Variants in FBXL7 observed in about 807,000 individuals in gnomAD.
FBXL7 encodes the protein F-box and leucine rich repeat protein 7, also known as F-box/LRR-repeat protein 7.
In FBXL7, 12 loss-of-function variants were observed where a neutral mutation model predicts 38.3. The ratio of observed to expected loss-of-function variants is 0.31; its 90% CI spans 0.20 to 0.51. The LOEUF (loss-of-function observed/expected upper bound fraction) is 0.51, where lower values mean the gene tolerates loss of function less well. FBXL7 is among the 20% of genes least tolerant of loss of function. The pLI, the probability that FBXL7 is intolerant of heterozygous loss-of-function variation, is 0.98. For missense variants in FBXL7, 567 were observed against 676.4 expected (o/e 0.84, Z 1.79); for synonymous variants, 297 against 300.9 (o/e 0.99, Z 0.13).
chr5:15,888,426 A>G (rs556981055), intron 2 of FBXL7, among the ~76,000 whole-genome samples: 235 of 152,016 alleles, frequency 1.5e-3, no homozygotes, highest in African/African-American at 5.3e-3. Flanking sequence ...ATGGGATTTC[A>G]CCGTGTTGGC....
At chr5:15,555,933 G>T (rs189570213) in intron 1 of FBXL7, among the ~76,000 whole-genome samples, 87 of 151,618 alleles carry the variant, frequency 5.7e-4, no homozygotes, top group Non-Finnish European at 1.0e-3. Context: ...CAACCAGTAG[G>T]ATCCATCTAT....
intron 1 of FBXL7, among the ~76,000 whole-genome samples, chr5:15,514,407 C>T (rs940128238): frequency 3.3e-5 from 5 of 152,100 alleles, no homozygotes; most frequent in African/African-American, 1.2e-4. Context: ...TTAGGAATAC[C>T]TGTAAGCTTT....
chr5:15,828,745 G>A (rs1025661218), intron 2 of FBXL7, among the ~76,000 whole-genome samples: 7 of 152,294 alleles, frequency 4.6e-5, no homozygotes, highest in South Asian at 2.1e-4. Context: ...CTGACTTGCC[G>A]TGTTACGTTG....
chr5:15,528,718 G>T (rs2126387077), intron 1 of FBXL7, among the ~76,000 whole-genome samples: 1 of 152,266 alleles, frequency 6.6e-6, no homozygotes, highest in South Asian at 2.1e-4. Context: ...TTCAAGATGA[G>T]ATTTGGGTGG....
intron 2 of FBXL7, among the ~76,000 whole-genome samples, chr5:15,663,105 A>C (rs1742145891): frequency 1.3e-5 from 2 of 152,152 alleles, no homozygotes; most frequent in Admixed American, 6.6e-5. Context: ...TGGCCATTTT[A>C]ATGATATTGA....
At chr5:15,775,396 C>T (rs1346320486) in intron 2 of FBXL7, among the ~76,000 whole-genome samples, 1 of 152,068 alleles carries the variant, frequency 6.6e-6, no homozygotes, top group Non-Finnish European at 1.5e-5. Context: ...CACACACACA[C>T]ACACACAAAT....
intron 2 of FBXL7, among the ~76,000 whole-genome samples, chr5:15,701,001 T>C (rs532594534): frequency 6.6e-6 from 1 of 152,326 alleles, no homozygotes; most frequent in East Asian, 1.9e-4. Context: ...AAAATCTGAA[T>C]TAGCCAAATC....
At chr5:15,857,059 A>T (rs946494767) in intron 2 of FBXL7, among the ~76,000 whole-genome samples, 6 of 152,196 alleles carry the variant, frequency 3.9e-5, no homozygotes, top group Non-Finnish European at 7.3e-5. Flanking sequence ...ATTGCCTTCC[A>T]TAACATCTTA....
chr5:15,833,591 C>G (rs1391486952), intron 2 of FBXL7, among the ~76,000 whole-genome samples: 5 of 152,222 alleles, frequency 3.3e-5, no homozygotes, highest in Non-Finnish European at 7.3e-5. Flanking sequence ...AGACTCTCCT[C>G]TCTAAAGCAA....
At chr5:15,767,178 GC>G (rs1736613828) in intron 2 of FBXL7, among the ~76,000 whole-genome samples, 1 of 151,992 alleles carries the variant, frequency 6.6e-6, no homozygotes, top group Non-Finnish European at 1.5e-5. Flanking sequence ...GCCCCCGACA[GC>G]CCCCAGTGTG....
intron 2 of FBXL7, among the ~76,000 whole-genome samples, chr5:15,763,599 G>A (rs1198667351): frequency 6.6e-6 from 1 of 152,104 alleles, no homozygotes; most frequent in African/African-American, 2.4e-5. Flanking sequence ...ATATTACATA[G>A]GTTACATAGA....
chr5:15,543,280 G>T (rs1188782338), intron 1 of FBXL7, among the ~76,000 whole-genome samples: 1 of 152,196 alleles, frequency 6.6e-6, no homozygotes, highest in Non-Finnish European at 1.5e-5. Context: ...TGGCAGACAA[G>T]AGGGCATGTG....
intron 2 of FBXL7, among the ~76,000 whole-genome samples, chr5:15,893,086 A>T (rs1032712786): frequency 3.3e-5 from 5 of 151,352 alleles, no homozygotes; most frequent in Non-Finnish European, 5.9e-5. Context: ...ACTGCACTCC[A>T]GCCTGGGTGA....
Position 15,500,326 on chromosome 5 carries a change from G to A in FBXL7, c.-351G>A, listed in dbSNP as rs1735659075. The A allele has an allele frequency of 6.6e-6, 1 of 152,048 alleles. No homozygotes were observed. Among genetic ancestry groups the A allele is most frequent in the African/African-American group, 2.4e-5 (1 of 41,266 alleles). 9.4% of individuals were successfully genotyped at this position (152,048 alleles called of 1,614,324 possible). On this transcript the variant is annotated 5_prime_UTR_variant, in exon 1 of 4. Coordinates refer to ENST00000504595, the MANE Select transcript of FBXL7 (RefSeq NM_012304.5). Reference sequence around the variant, plus strand: ...GGCCTGCCCGGCTCAGCGCCCACCGGAGGGGATCGGGGCGGGCGGATGGGG... The same window carrying A: ...GGCCTGCCCGGCTCAGCGCCCACCGAAGGGGATCGGGGCGGGCGGATGGGG...
chr5:15,880,721 T>TTATATA (rs3034531), intron 2 of FBXL7, among the ~76,000 whole-genome samples: 3,158 of 143,302 alleles, frequency 0.022, 37 homozygotes, highest in East Asian at 0.024. Context: ...ATATACTATA[T>TTATATA]TATATATATA....
chr5:15,552,121 AT>A (rs36059973), intron 1 of FBXL7, among the ~76,000 whole-genome samples: 6 of 152,188 alleles, frequency 3.9e-5, no homozygotes, highest in African/African-American at 9.7e-5. Flanking sequence ...AGTAATCACC[AT>A]TTTTTCAGGC....
At chr5:15,820,934 G>A (rs1038255487) in intron 2 of FBXL7, among the ~76,000 whole-genome samples, 1 of 152,098 alleles carries the variant, frequency 6.6e-6, no homozygotes, top group African/African-American at 2.4e-5. Context: ...AAATACAGAT[G>A]CCTGCACACC....
At chr5:15,504,513 T>C (rs376127363) in intron 1 of FBXL7, among the ~76,000 whole-genome samples, 11 of 152,220 alleles carry the variant, frequency 7.2e-5, no homozygotes, top group African/African-American at 2.4e-4. Flanking sequence ...AATGAGTGTT[T>C]CCAAAGTGTT....
At position 15,607,872 on chromosome 5, in the gene FBXL7, T is replaced by G. The variant is rs149655142; in HGVS notation, c.38-8111T>G. Among the ~76,000 whole-genome samples the G allele has an allele frequency of 1.8e-3, 274 of 152,384 alleles. 2 individuals carry two copies. The highest frequency in any genetic ancestry group is 6.4e-3 in the African/African-American group (266 of 41,598). ...GTTTGTATTTGATACCTACTTGTTT[T>G]TTCATTTGTCTTCCTTTGGGCCTTT... On this transcript the variant is annotated intron_variant, in intron 1 of 3. Transcript: ENST00000504595.
Sources: gnomAD v4.1 joint callset for allele counts (sites outside exome capture counted in the v4.1 genomes callset) on GRCh38, gnomAD v4.1.1 for gene constraint, MANE v1.5 for transcripts, NCBI Gene and HGNC (gene_info 2026-07-23, HGNC 2026-07-21) for gene names.